NLRP14: variants seen among roughly 807,000 people sequenced by gnomAD.
NLRP14 encodes NLR family pyrin domain containing 14.
In NLRP14, 105 loss-of-function variants were observed where a neutral mutation model predicts 94.7. The observed-to-expected ratio is 1.11, with a 90% confidence interval of 0.95 to 1.30. The LOEUF (loss-of-function observed/expected upper bound fraction) is 1.30, where lower values mean the gene tolerates loss of function less well. Ranked by LOEUF, NLRP14 falls within the 50% of genes most tolerant of loss-of-function variation. The pLI, the probability that NLRP14 is intolerant of heterozygous loss-of-function variation, is 0.00. For synonymous variants in NLRP14, 508 were observed against 459.9 expected (o/e 1.10, Z -1.34); for missense variants, 1,362 against 1,254.1 (o/e 1.09, Z -1.30).
chr11:7,025,884 T>C (rs1852008383), intron 1 of NLRP14, among the ~76,000 whole-genome samples: 2 of 152,138 alleles, frequency 1.3e-5, no homozygotes, highest in African/African-American at 4.8e-5. Flanking sequence ...TATTTGTGTT[T>C]CAGAATTAGA....
At chr11:7,044,465 C>T (rs1852321624) in intron 4 of NLRP14, among the ~76,000 whole-genome samples, 1 of 152,206 alleles carries the variant, frequency 6.6e-6, no homozygotes, top group Non-Finnish European at 1.5e-5. Flanking sequence ...AGCTCGCTTT[C>T]TCTATTGCCC....
the NLRP14 span, among the ~76,000 whole-genome samples, chr11:7,080,131 C>T: frequency 7.9e-5 from 12 of 152,242 alleles, no homozygotes; most frequent in Admixed American, 2.6e-4. Flanking sequence ...GAATTTCTTA[C>T]GTATTTAACA....
At chr11:7,049,886 T>G in intron 6 of NLRP14, 48 bp downstream of exon 6, 1 of 1,510,792 alleles carries the variant, frequency 6.6e-7, no homozygotes, top group Non-Finnish European at 9.2e-7. Context: ...AATTGAGGCT[T>G]TTGTCTATCC....
At chr11:7,024,259 C>T (rs954690031) in intron 1 of NLRP14, among the ~76,000 whole-genome samples, 7 of 152,072 alleles carry the variant, frequency 4.6e-5, no homozygotes, top group African/African-American at 1.7e-4. Flanking sequence ...CTTGGCCAAA[C>T]CAGAATAGAA....
At chr11:7,079,167 C>T in the NLRP14 span, among the ~76,000 whole-genome samples, 22 of 152,300 alleles carry the variant, frequency 1.4e-4, no homozygotes, top group African/African-American at 5.3e-4. Context: ...ATTCCTTTTT[C>T]TCTTTCTCTA....
the NLRP14 span, among the ~76,000 whole-genome samples, chr11:7,082,861 T>C: frequency 6.6e-6 from 1 of 152,300 alleles, no homozygotes; most frequent in South Asian, 2.1e-4. Flanking sequence ...ACATTATAAT[T>C]GTGTTCACGG....
chr11:7,039,564 G>A, intron 2 of NLRP14, 150 bp from the exon 3 acceptor site: 1 of 738,738 alleles, frequency 1.4e-6, no homozygotes, highest in South Asian at 1.5e-5. Flanking sequence ...CTAAGCTTAT[G>A]GAGTCTGAGG....
At position 7,070,342 on chromosome 11, in the gene NLRP14, T is replaced by C. The variant is rs766733541; in HGVS notation, c.3032T>C (p.Ile1011Thr). 17 of 1,610,894 alleles carry C rather than the reference T, an allele frequency of 1.1e-5. No individual in the cohort carries two copies. The East Asian group carries it at 3.1e-4, about 30-fold the overall frequency. Residue 1011 changes from isoleucine to threonine, a missense_variant, in exon 11 of 12, where the codon ATC becomes ACC. Ile to Thr is a moderately conservative substitution (Grantham distance 89). Transcript: ENST00000299481. ...LCCQDLSSAL[I>T]CNKRLIKMNL... ...TGTCAAGATCTCTCCTCTGCTCTTATCTGCAACAAAAGACTGATAAAAATG... is the reference window on the plus strand; with the variant it reads ...TGTCAAGATCTCTCCTCTGCTCTTACCTGCAACAAAAGACTGATAAAAATG...
chr11:7,049,705 G>T lies in NLRP14; in HGVS notation c.2158G>T (p.Asp720Tyr), dbSNP rs777509024. The change falls in exon 6 of 12, where the codon GAT (aspartate) becomes TAT (tyrosine). Residue 720 changes from aspartate (D) to tyrosine (Y), a missense_variant. Transcript: ENST00000299481. ...TATCACTTTCCCTGATGGTTGTCAG[G>T]ATATCTCTACTTCTTTGATTCATAA... Reference protein sequence around the residue: ...KFITFPDGCQDISTSLIHNKN... With the variant: ...KFITFPDGCQYISTSLIHNKN... 21 of 1,612,900 alleles carry T rather than the reference G, an allele frequency of 1.3e-5. No homozygotes were observed. In the South Asian group the frequency reaches 2.1e-4, roughly 16 times the overall value.
At position 7,049,737 on chromosome 11, in the gene NLRP14, T is replaced by G. The variant is rs745872011; in HGVS notation, c.2190T>G (p.Asn730Lys). ...DISTSLIHNKNLMHLDLKGSD... is the reference protein window; with the variant it reads ...DISTSLIHNKKLMHLDLKGSD... Reference sequence around the variant, plus strand: ...CTACTTCTTTGATTCATAACAAGAATCTGATGCATCTTGACCTAAAAGGGA... The same window carrying G: ...CTACTTCTTTGATTCATAACAAGAAGCTGATGCATCTTGACCTAAAAGGGA... The change falls in exon 6 of 12, where the codon AAT becomes AAG. Residue 730 changes from asparagine to lysine, a missense_variant. Coordinates refer to ENST00000299481, the MANE Select transcript of NLRP14 (RefSeq NM_176822.4). 5 of 1,610,368 alleles carry G rather than the reference T, an allele frequency of 3.1e-6. No homozygotes were observed. In the East Asian group the frequency reaches 8.9e-5, roughly 29 times the overall value.
chr11:7,030,253 A>G (rs553003358), intron 1 of NLRP14, among the ~76,000 whole-genome samples: 1 of 152,334 alleles, frequency 6.6e-6, no homozygotes, highest in South Asian at 2.1e-4. Context: ...TTCATCTTAG[A>G]GCAGTTCTAG....
chr11:7,050,335 C>G (rs931640917), intron 6 of NLRP14, among the ~76,000 whole-genome samples: 4 of 152,164 alleles, frequency 2.6e-5, no homozygotes, highest in Admixed American at 6.5e-5. Flanking sequence ...TGGAAATGGT[C>G]CTCTTTCAAG....
chr11:7,089,136 C>G, the NLRP14 span: 1 of 1,613,770 alleles, frequency 6.2e-7, no homozygotes, highest in Non-Finnish European at 8.5e-7. Flanking sequence ...TGAAGCGGAT[C>G]GCCCGGGGAA....
At position 7,053,926 on chromosome 11, in the gene NLRP14, C is replaced by T. The variant is rs187778029; in HGVS notation, c.2292-3751C>T. ...CTAACTATTTTTTTGTACCCATTAA[C>T]CATTCCCCTCTTCCCCTCATTCCCC... On this transcript the variant is annotated intron_variant, in intron 6 of 11. Coordinates refer to ENST00000299481, the MANE Select transcript of NLRP14 (RefSeq NM_176822.4). Among the ~76,000 whole-genome samples, 90 of 152,210 alleles carry T rather than the reference C, an allele frequency of 5.9e-4. No individual in the cohort carries two copies. In the East Asian group the frequency reaches 0.016, roughly 28 times the overall value.
chr11:7,035,392 A>G (rs1852147551), intron 1 of NLRP14, among the ~76,000 whole-genome samples: 1 of 152,090 alleles, frequency 6.6e-6, no homozygotes, highest in Non-Finnish European at 1.5e-5. Flanking sequence ...CTGGGGGGAA[A>G]TTTGCTGCCC....
intron 1 of NLRP14, among the ~76,000 whole-genome samples, chr11:7,031,811 C>G (rs1310754454): frequency 6.6e-6 from 1 of 152,208 alleles, no homozygotes; most frequent in Non-Finnish European, 1.5e-5. Flanking sequence ...GCAGGTGCAA[C>G]AGCTGCTCTC....
intron 1 of NLRP14, among the ~76,000 whole-genome samples, chr11:7,026,509 G>A (rs1852015852): frequency 6.6e-6 from 1 of 152,080 alleles, no homozygotes; most frequent in Admixed American, 6.5e-5. Flanking sequence ...GGAAAAAACA[G>A]GTGCTGGAGA....
At chr11:7,080,952 A>C in the NLRP14 span, among the ~76,000 whole-genome samples, 1 of 151,970 alleles carries the variant, frequency 6.6e-6, no homozygotes, top group Admixed American at 6.6e-5. Flanking sequence ...TGTGGGGAGA[A>C]GTTTATGGTG....
At chr11:7,083,248 T>C in the NLRP14 span, among the ~76,000 whole-genome samples, 1 of 152,250 alleles carries the variant, frequency 6.6e-6, no homozygotes, top group African/African-American at 2.4e-5. Flanking sequence ...CAGCTCTTCA[T>C]GCTTTTATAT....
Sources: gnomAD v4.1 joint callset for allele counts (sites outside exome capture counted in the v4.1 genomes callset) on GRCh38, gnomAD v4.1.1 for gene constraint, MANE v1.5 for transcripts, NCBI Gene and HGNC (gene_info 2026-07-23, HGNC 2026-07-21) for gene names.